Variants in DCLRE1B observed in about 807,000 individuals in gnomAD.
DCLRE1B encodes the protein DNA cross-link repair 1B.
A neutral mutation model predicts 19.8 loss-of-function variants in DCLRE1B; 6 were observed. The observed-to-expected ratio is 0.30, with a 90% confidence interval of 0.17 to 0.60. DCLRE1B has a LOEUF of 0.60. DCLRE1B is among the 20% of genes least tolerant of loss of function. DCLRE1B has a pLI of 0.87. For missense variants in DCLRE1B, 622 were observed against 654.2 expected, an observed-to-expected ratio of 0.95 and a Z score of 0.54; for synonymous variants, 258 against 255.7, an observed-to-expected ratio of 1.01 and a Z score of -0.09.
intron 3 of DCLRE1B, 129 bp from the exon 4 acceptor site, chr1:113,911,002 A>G (rs917665191): frequency 2.2e-5 from 19 of 860,510 alleles, no homozygotes; most frequent in Non-Finnish European, 3.4e-5. Flanking sequence ...CTCTTCCTTG[A>G]TATTCTCCCT....
intron 2 of DCLRE1B, 34 bp from the exon 3 acceptor site, chr1:113,907,975 C>G: frequency 1.9e-6 from 3 of 1,591,882 alleles, no homozygotes; most frequent in Non-Finnish European, 2.6e-6. Context: ...TCTTTTGTCT[C>G]TGACCTTCTG....
At position 113,911,644 on chromosome 1, in the gene DCLRE1B, G is replaced by A. The variant is rs758335103; in HGVS notation, c.1052G>A (p.Gly351Asp). Residue 351 changes from glycine (G) to aspartate (D), a missense_variant, in exon 4 of 4, where the codon GGT (glycine) becomes GAT (aspartate). Gly to Asp is a moderately conservative substitution (Grantham distance 94). Around this residue, in one of 3 missense-constraint regions of DCLRE1B, gnomAD observed 382 missense variants for 412.5 expected, o/e 0.93. Transcript: ENST00000650450. The stretch of plus-strand genomic sequence containing the variant: ...AGGCTAAAGAGGCCGAGAACCCAAG[G>A]TGTTGTGTTTGAATCCCCTGAGGAA... ...ERRLKRPRTQGVVFESPEESA... is the reference protein window; with the variant it reads ...ERRLKRPRTQDVVFESPEESA... The A allele has an allele frequency of 6.2e-7, 1 of 1,606,236 alleles. No homozygotes were observed.
upstream of DCLRE1B, chr1:113,905,192 T>C (rs533659472): frequency 1.2e-5 from 4 of 337,954 alleles, no homozygotes; most frequent in Non-Finnish European, 2.2e-5. Flanking sequence ...CTAAGCGTAG[T>C]CCCGACTCCG....
intron 1 of DCLRE1B, among the ~76,000 whole-genome samples, chr1:113,906,503 T>TTA (rs958533248): frequency 2.6e-5 from 4 of 151,104 alleles, no homozygotes; most frequent in Admixed American, 2.0e-4. Flanking sequence ...CTCTTTTTTT[T>TTA]TTTTTGAGAT....
Position 113,908,161 on chromosome 1 carries a change from C to G in DCLRE1B, c.508C>G (p.Arg170Gly), listed in dbSNP as rs138603501. 13 of 1,613,884 alleles carry G rather than the reference C, an allele frequency of 8.1e-6. No homozygotes were observed. The highest frequency in any genetic ancestry group is 1.1e-5 in the South Asian group (1 of 91,042). ...EAAHQIVQLI[R>G]KHPQHNIKIG... ...TGCCCACCAGATTGTCCAGCTCATT[C>G]GAAAACACCCACAACATAACATAAA... The change falls in exon 3 of 4, where the codon CGA becomes GGA. Residue 170 changes from arginine (R) to glycine (G), a missense_variant. By Grantham distance (125) the Arg-to-Gly change is moderately radical. Around this residue, in one of 3 missense-constraint regions of DCLRE1B, gnomAD observed 237 missense variants for 223.8 expected, o/e 1.06. Coordinates refer to ENST00000650450, the MANE Select transcript of DCLRE1B (RefSeq NM_022836.4).
Position 113,907,154 on chromosome 1 carries a change from C to T in DCLRE1B, c.348C>T (p.Leu116=), listed in dbSNP as rs775173503. 7.6e-6 allele frequency: 12 copies of T among 1,571,104 alleles called. No homozygotes were observed. Among genetic ancestry groups the T allele is most frequent in the Admixed American group, 1.7e-5 (1 of 58,316 alleles). ...TTGAAGGATATTTTGGAACCATCCT[C>T]TACACAGGTGGGCCTCTCAAGGAAT... ...FLFEGYFGTI[L]YTGDFRYTPS... is the part of the protein sequence containing the mutation. The change falls in exon 2 of 4, where the codon CTC becomes CTT. Residue 116 remains leucine, a synonymous_variant. Coordinates refer to ENST00000650450, the MANE Select transcript of DCLRE1B (RefSeq NM_022836.4).
chr1:113,907,116 G>C lies in DCLRE1B; in HGVS notation c.310G>C (p.Val104Leu). The change falls in exon 2 of 4, where the codon GTC (valine) becomes CTC (leucine). Residue 104 changes from valine (V) to leucine (L), a missense_variant. Val to Leu is a conservative substitution (Grantham distance 32, BLOSUM62 1). This residue lies in a region of DCLRE1B where 237 missense variants were observed against 223.8 expected (regional missense o/e 1.06). Coordinates refer to ENST00000650450, the MANE Select transcript of DCLRE1B (RefSeq NM_022836.4). ...LLDANHCPGS[V>L]MFLFEGYFGT... Reference sequence around the variant, plus strand: ...CGATGCCAATCACTGTCCTGGTTCTGTCATGTTTCTCTTTGAAGGATATTT... The same window carrying C: ...CGATGCCAATCACTGTCCTGGTTCTCTCATGTTTCTCTTTGAAGGATATTT... 2 of 1,587,654 alleles carry C rather than the reference G, an allele frequency of 1.3e-6. No homozygotes were observed. The highest frequency in any genetic ancestry group is 1.7e-6 in the Non-Finnish European group (2 of 1,166,088).
chr1:113,906,495 C>G (rs866814294), intron 1 of DCLRE1B, among the ~76,000 whole-genome samples: 1 of 141,652 alleles, frequency 7.1e-6, no homozygotes, highest in African/African-American at 2.6e-5. Context: ...TTGCTGAACT[C>G]TTTTTTTTTT....
At chr1:113,907,944 T>C in intron 2 of DCLRE1B, 65 bp from the exon 3 acceptor site, 1 of 1,529,932 alleles carries the variant, frequency 6.5e-7, no homozygotes, top group Non-Finnish European at 8.8e-7. Context: ...TTGTTGGAGG[T>C]AGGAGAGGCT....
In DCLRE1B at chr1:113,905,337, C is replaced by T. The variant is rs1668846152; in HGVS notation, c.-250C>T. The T allele has an allele frequency of 6.0e-6, 3 of 504,194 alleles. No homozygotes were observed. The highest frequency in any genetic ancestry group is 2.6e-5 in the South Asian group (1 of 38,166). The allele number at this position is 504,194 out of a possible 1,614,324, so 31.2% of individuals were successfully genotyped here. ...TCCCTGCAGCGCGCGCTTTGAGTGC[C>T]CGGCTCGGCCTCCGCTCCCGCGCGG... On this transcript the variant is annotated 5_prime_UTR_variant, in exon 1 of 4. Transcript: ENST00000650450.
intron 1 of DCLRE1B, among the ~76,000 whole-genome samples, chr1:113,906,093 GT>G (rs1356079193): frequency 1.8e-5 from 2 of 110,126 alleles, no homozygotes; most frequent in Non-Finnish European, 3.3e-5. Flanking sequence ...GTCTCGCTCT[GT>G]TGCCCAGGCT....
Position 113,912,218 on chromosome 1 carries a change from T to C in DCLRE1B, c.*27T>C. On this transcript the variant is annotated 3_prime_UTR_variant, in exon 4 of 4. Transcript: ENST00000650450. ...GACAGGAGAGTACAGAATGACAACATTGAGCCCACACTGCAGTTTTGAAGA... is the reference window on the plus strand; with the variant it reads ...GACAGGAGAGTACAGAATGACAACACTGAGCCCACACTGCAGTTTTGAAGA... 1.3e-6 allele frequency: 2 copies of C among 1,567,686 alleles called. No homozygotes were observed. The highest frequency in any genetic ancestry group is 8.6e-7 in the Non-Finnish European group (1 of 1,159,058).
Position 113,905,572 on chromosome 1 carries a change from T to C in DCLRE1B, c.-15T>C. The C allele has an allele frequency of 6.2e-7, 1 of 1,613,572 alleles. No homozygotes were observed. The highest frequency in any genetic ancestry group is 1.3e-5 in the African/African-American group (1 of 75,014). On this transcript the variant is annotated 5_prime_UTR_variant, in exon 1 of 4. Coordinates refer to ENST00000650450, the MANE Select transcript of DCLRE1B (RefSeq NM_022836.4). ...CCGTGGAGAAGATCCCACTGGTGAC[T>C]CCAACCCTACCACCATGAATGGGGT... is the stretch of plus-strand genomic sequence containing the variant.
intron 3 of DCLRE1B, 41 bp from the exon 4 acceptor site, chr1:113,911,090 T>G (rs1219611826): frequency 1.8e-5 from 27 of 1,529,210 alleles, no homozygotes; most frequent in Non-Finnish European, 2.4e-5. Context: ...CTTAATTTTC[T>G]TCCTTCTCTT....
rs748368491 is a variant in DCLRE1B, at chr1:113,908,170, C to T, written c.517C>T (p.Pro173Ser). ...HQIVQLIRKH[P>S]QHNIKIGLYS... ...GATTGTCCAGCTCATTCGAAAACACCCACAACATAACATAAAGATTGGTGA... is the reference window on the plus strand; with the variant it reads ...GATTGTCCAGCTCATTCGAAAACACTCACAACATAACATAAAGATTGGTGA... Residue 173 changes from proline (P) to serine (S), a missense_variant, in exon 3 of 4, where the codon CCA (proline) becomes TCA (serine). Around this residue, in one of 3 missense-constraint regions of DCLRE1B, gnomAD observed 237 missense variants for 223.8 expected, o/e 1.06. Coordinates refer to ENST00000650450, the MANE Select transcript of DCLRE1B (RefSeq NM_022836.4). 1 of 1,613,918 alleles carries T rather than the reference C, an allele frequency of 6.2e-7. No homozygotes were observed. The highest frequency in any genetic ancestry group is 8.5e-7 in the Non-Finnish European group (1 of 1,179,926).
intron 2 of DCLRE1B, 128 bp downstream of exon 2, chr1:113,907,289 C>T: frequency 1.2e-6 from 1 of 835,870 alleles, no homozygotes; most frequent in Non-Finnish European, 1.7e-6. Flanking sequence ...AACTCCTGAC[C>T]TCAAGCAATC....
In DCLRE1B at chr1:113,905,801, G is replaced by T. The variant is rs772051041; in HGVS notation, c.189+26G>T. ...GTATGGGGCTGGAGTCGGTCTCCGA[G>T]AGCTGGTCCAGGCATCTGGGTTGGG... On this transcript the variant is annotated intron_variant, in intron 1 of 3. Transcript: ENST00000650450. 1.7e-5 allele frequency: 27 copies of T among 1,593,808 alleles called. No individual in the cohort carries two copies. In the South Asian group the frequency reaches 2.3e-4, roughly 14 times the overall value.
chr1:113,904,981 C>G, upstream of DCLRE1B: 1 of 472,446 alleles, frequency 2.1e-6, no homozygotes, highest in Admixed American at 3.4e-5. Flanking sequence ...ACAGATCGCT[C>G]CCGCTACTTC....
rs1186223052 is a variant in DCLRE1B, at chr1:113,911,260, A to G, written c.668A>G (p.Glu223Gly). 1 of 1,614,122 alleles carries G rather than the reference A, an allele frequency of 6.2e-7. No individual in the cohort carries two copies. The highest frequency in any genetic ancestry group is 8.5e-7 in the Non-Finnish European group (1 of 1,180,024). Reference sequence around the variant, plus strand: ...GGCCTGGCAGATGTGTTCACAGTGGAGGAGAAGGCTGGCCGCATCCATGCA... The same window carrying G: ...GGCCTGGCAGATGTGTTCACAGTGGGGGAGAAGGCTGGCCGCATCCATGCA... The part of the protein sequence containing the change: ...LLGLADVFTV[E>G]EKAGRIHAVD... The change falls in exon 4 of 4, where the codon GAG becomes GGG. Residue 223 changes from glutamate to glycine, a missense_variant. Around this residue, in one of 3 missense-constraint regions of DCLRE1B, gnomAD observed 382 missense variants for 412.5 expected, o/e 0.93. Transcript: ENST00000650450.
Sources: gnomAD v4.1 joint callset for allele counts (sites outside exome capture counted in the v4.1 genomes callset) on GRCh38, gnomAD v4.1.1 for gene constraint, gnomAD v4.1.1 regional missense constraint, MANE v1.5 for transcripts, NCBI Gene and HGNC (gene_info 2026-07-23, HGNC 2026-07-21) for gene names.